The following TRPM6 variants were observed in gnomAD, a reference collection of about 807,000 sequenced individuals.
TRPM6 encodes channel kinase 2.
A neutral mutation model predicts 247.6 loss-of-function variants in TRPM6; 111 were observed. The ratio of observed to expected loss-of-function variants is 0.45; its 90% CI spans 0.38 to 0.52. The LOEUF is 0.52. Among genes scored for constraint, TRPM6 ranks in the 20% least tolerant of loss-of-function variants. TRPM6 has a pLI of 0.00. For synonymous variants in TRPM6, 892 were observed against 853.8 expected (o/e 1.04, Z -0.78); for missense variants, 2,126 against 2,421.5 (o/e 0.88, Z 2.56).
At chr9:74,836,815 C>G (rs980752513) in intron 5 of TRPM6, among the ~76,000 whole-genome samples, 4 of 152,190 alleles carry the variant, frequency 2.6e-5, no homozygotes, top group Non-Finnish European at 2.9e-5. Flanking sequence ...CATGCCTTCA[C>G]CTCTAGCTGT....
chr9:74,884,657 T>C (rs182866577), intron 1 of TRPM6, among the ~76,000 whole-genome samples: 1 of 152,276 alleles, frequency 6.6e-6, no homozygotes, highest in Non-Finnish European at 1.5e-5. Context: ...GGATTTCTAT[T>C]TGTAGTATTT....
intron 9 of TRPM6, among the ~76,000 whole-genome samples, chr9:74,817,615 G>C (rs978206621): frequency 1.3e-5 from 2 of 152,162 alleles, no homozygotes; most frequent in African/African-American, 4.8e-5. Flanking sequence ...TTAAAGACAA[G>C]TAAGTTCGTT....
chr9:74,776,461 T>C (rs1267900114), intron 23 of TRPM6, among the ~76,000 whole-genome samples: 1 of 152,198 alleles, frequency 6.6e-6, no homozygotes, highest in African/African-American at 2.4e-5. Flanking sequence ...TGTTCCTCTG[T>C]ATCATCTACC....
intron 11 of TRPM6, 25 bp from the exon 12 acceptor site, chr9:74,812,458 A>C (rs749697042): frequency 6.2e-7 from 1 of 1,606,576 alleles, no homozygotes; most frequent in East Asian, 2.2e-5. Context: ...AATAAGAAAT[A>C]TAAAGACAAT....
At chr9:74,754,389 T>C (rs919797229) in intron 28 of TRPM6, among the ~76,000 whole-genome samples, 2 of 152,170 alleles carry the variant, frequency 1.3e-5, no homozygotes, top group African/African-American at 2.4e-5. Context: ...GGCTGGATAA[T>C]TGTCATGAGG....
chr9:74,867,934 C>T (rs1331220463), intron 1 of TRPM6, among the ~76,000 whole-genome samples: 1 of 151,446 alleles, frequency 6.6e-6, no homozygotes, highest in Non-Finnish European at 1.5e-5. Context: ...CACAGGGTCA[C>T]GTGAGGTCAG....
At chr9:74,849,412 A>G (rs1037547944) in intron 3 of TRPM6, among the ~76,000 whole-genome samples, 1 of 151,920 alleles carries the variant, frequency 6.6e-6, no homozygotes, top group Admixed American at 6.6e-5. Context: ...GATTAATTTG[A>G]TAGAAATGAT....
At position 74,724,039 on chromosome 9, in the gene TRPM6, A is replaced by G. The variant is rs565105314; in HGVS notation, c.*574T>C. 2.0e-4 allele frequency: 31 copies of G among 153,946 alleles called. 1 individual carries two copies. The South Asian group carries it at 5.9e-3, about 29-fold the overall frequency. The allele number at this position is 153,946 out of a possible 1,614,324, so 9.5% of individuals were successfully genotyped here. A position where few individuals can be genotyped will look rare whatever the true frequency, so the allele number is the denominator to read the frequency against. On this transcript the variant is annotated 3_prime_UTR_variant, in exon 39 of 39. Coordinates refer to ENST00000360774, the MANE Select transcript of TRPM6 (RefSeq NM_017662.5). ...TGAAACCCATCGAGATTTCACCAGT[A>G]TACTTGGTAGTTTGTGCAGGAATGT...
chr9:74,825,458 C>CGT lies in TRPM6; in HGVS notation c.841+2318_841+2319dup, dbSNP rs5898381. 2.7e-3 allele frequency among the ~76,000 whole-genome samples: 403 copies of CGT among 148,668 alleles called. 1 individual carries two copies. The highest frequency in any genetic ancestry group is 4.4e-3 in the African/African-American group (180 of 40,464). On this transcript the variant is annotated intron_variant, in intron 7 of 38. Coordinates refer to ENST00000360774, the MANE Select transcript of TRPM6 (RefSeq NM_017662.5). Reference sequence around the variant, plus strand: ...TTGAGGGCATGTCTTCTCTTTCTTCCGTGTGTGTGTGTGTGTGTGTGTGTG... The same window carrying CGT: ...TTGAGGGCATGTCTTCTCTTTCTTCCGTGTGTGTGTGTGTGTGTGTGTGTGTG...
intron 29 of TRPM6, among the ~76,000 whole-genome samples, chr9:74,750,985 G>A (rs1826224950): frequency 6.6e-6 from 1 of 152,130 alleles, no homozygotes. Flanking sequence ...TGTAATATAT[G>A]AAATTTTTTA....
Position 74,738,498 on chromosome 9 carries a change from G to T in TRPM6, c.5685C>A (p.Thr1895=), listed in dbSNP as rs757763880. ...TCAGCTCCTCCAGGGTGTTGGTGGGGGTGATTTCATCACCATTGTTGTTGT... is the reference window on the plus strand; with the variant it reads ...TCAGCTCCTCCAGGGTGTTGGTGGGTGTGATTTCATCACCATTGTTGTTGT... ...KYNNNNGDEI[T]PTNTLEELML... The change falls in exon 36 of 39, where the codon ACC becomes ACA. Residue 1895 remains threonine (T), a synonymous_variant. Coordinates refer to ENST00000360774, the MANE Select transcript of TRPM6 (RefSeq NM_017662.5). 99 of 1,613,958 alleles carry T rather than the reference G, an allele frequency of 6.1e-5. No homozygotes were observed. The highest frequency in any genetic ancestry group is 4.3e-4 in the Admixed American group (26 of 59,994).
chr9:74,875,791 C>T (rs531137444), intron 1 of TRPM6, among the ~76,000 whole-genome samples: 12 of 152,224 alleles, frequency 7.9e-5, no homozygotes, highest in Non-Finnish European at 5.9e-5. Flanking sequence ...GGCTAAAATA[C>T]GTTTTCTTTT....
rs768406384 is a variant in TRPM6, at chr9:74,739,409, G to A, written c.5528C>T (p.Thr1843Ile). ...GGTTTGTGGTTTCACTTGGTTGAAG[G>A]TATAGATCAATTTTTGAGCAGCTCT... is the stretch of plus-strand genomic sequence containing the variant. ...QQRAAQKLIY[T>I]FNQVKPQTIP... is the part of the protein sequence containing the mutation. The change falls in exon 35 of 39, where the codon ACC becomes ATC. Residue 1843 changes from threonine to isoleucine, a missense_variant. Around this residue, in one of 3 missense-constraint regions of TRPM6, gnomAD observed 327 missense variants for 397.7 expected, o/e 0.82. Coordinates refer to ENST00000360774, the MANE Select transcript of TRPM6 (RefSeq NM_017662.5). 1.9e-6 allele frequency: 3 copies of A among 1,614,114 alleles called. No individual in the cohort carries two copies. The highest frequency in any genetic ancestry group is 4.5e-5 in the East Asian group (2 of 44,866).
Position 74,774,648 on chromosome 9 carries a change from G to C in TRPM6, c.3403+1235C>G, listed in dbSNP as rs984247805. 1.2e-4 allele frequency among the ~76,000 whole-genome samples: 19 copies of C among 152,086 alleles called. 1 individual carries two copies. Among genetic ancestry groups the C allele is most frequent in the Admixed American group, 1.2e-3 (18 of 15,256 alleles). Reference sequence around the variant, plus strand: ...ACATAAATAGCCCGCTATCCCCTTAGCTGAAACTCCTGGAGTCCAGAGTAT... The same window carrying C: ...ACATAAATAGCCCGCTATCCCCTTACCTGAAACTCCTGGAGTCCAGAGTAT... On this transcript the variant is annotated intron_variant, in intron 24 of 38. Transcript: ENST00000360774.
intron 2 of TRPM6, among the ~76,000 whole-genome samples, chr9:74,856,001 T>C (rs1019864232): frequency 6.6e-6 from 1 of 152,150 alleles, no homozygotes; most frequent in South Asian, 2.1e-4. Context: ...ATCAAGAAAA[T>C]AGATATATGT....
intron 6 of TRPM6, among the ~76,000 whole-genome samples, chr9:74,831,259 A>G (rs1829537032): frequency 6.6e-6 from 1 of 152,114 alleles, no homozygotes; most frequent in South Asian, 2.1e-4. Flanking sequence ...TGGGAGGCCG[A>G]AGTGGGTGGA....
intron 24 of TRPM6, 25 bp from the exon 25 acceptor site, chr9:74,771,860 GA>G (rs760085335): frequency 8.1e-6 from 13 of 1,610,510 alleles, no homozygotes; most frequent in Non-Finnish European, 1.1e-5. Flanking sequence ...ATGAAACACA[GA>G]AAGAATCATT....
Position 74,821,926 on chromosome 9 carries a change from A to G in TRPM6, c.842-89T>C, listed in dbSNP as rs913698267. The G allele has an allele frequency of 3.4e-5, 48 of 1,413,530 alleles. No homozygotes were observed. In the East Asian group the frequency reaches 1.2e-3, roughly 34 times the overall value. The allele number at this position is 1,413,530 out of a possible 1,614,324, so 87.6% of individuals were successfully genotyped here. On this transcript the variant is annotated intron_variant, in intron 7 of 38. Coordinates refer to ENST00000360774, the MANE Select transcript of TRPM6 (RefSeq NM_017662.5). The stretch of plus-strand genomic sequence containing the variant: ...TTGACTTCCAGACACAAGTCTCTCA[A>G]TTACCACCTATGTTCATTCCTCACA...
At chr9:74,821,484 T>C (rs1034067380) in intron 8 of TRPM6, among the ~76,000 whole-genome samples, 185 bp downstream of exon 8, 2 of 152,014 alleles carry the variant, frequency 1.3e-5, no homozygotes, top group Non-Finnish European at 2.9e-5. Flanking sequence ...GCTAAGAAAA[T>C]AGCAACTCTC....
Sources: allele counts gnomAD v4.1 joint callset (sites outside exome capture counted in the v4.1 genomes callset), GRCh38; gene constraint gnomAD v4.1.1; regional missense constraint gnomAD v4.1.1; transcripts MANE v1.5; gene names NCBI Gene and HGNC (gene_info 2026-07-23, HGNC 2026-07-21).